Variants in SCN11A observed in about 807,000 individuals in gnomAD.
SCN11A encodes the protein sodium channel protein type 11 subunit alpha.
A neutral mutation model predicts 162.2 loss-of-function variants in SCN11A; 122 were observed. The ratio of observed to expected loss-of-function variants is 0.75; its 90% CI spans 0.65 to 0.87. The LOEUF is 0.87. SCN11A is among the 40% of genes least tolerant of loss of function. The pLI is 0.00. For missense variants in SCN11A, 2,015 were observed against 2,181.6 expected (o/e 0.92, Z 1.52); for synonymous variants, 758 against 751.5 (o/e 1.01, Z -0.14).
rs188380311 is a variant in SCN11A at position 39,044,468 on chromosome 3, G to T, written c.-404+7393C>A. ...TTTTTTAAAATCAAAACCATATCAA[G>T]TATCTTTTCTGACTACAATGAAATA... On this transcript the variant is annotated intron_variant, in intron 1 of 29. Coordinates refer to ENST00000302328, the MANE Select transcript of SCN11A (RefSeq NM_001349253.2). 2.2e-3 allele frequency among the ~76,000 whole-genome samples: 338 copies of T among 152,172 alleles called. 1 individual carries two copies. The highest frequency in any genetic ancestry group is 7.7e-3 in the African/African-American group (320 of 41,514).
intron 3 of SCN11A, among the ~76,000 whole-genome samples, chr3:38,958,755 A>G (rs1021085401): frequency 1.3e-5 from 2 of 152,248 alleles, no homozygotes; most frequent in Admixed American, 6.5e-5. Context: ...GAACATTTTC[A>G]TAAAGAAAGC....
At chr3:38,857,268 T>C (rs2064885020) in intron 28 of SCN11A, among the ~76,000 whole-genome samples, 1 of 151,696 alleles carries the variant, frequency 6.6e-6, no homozygotes, top group Admixed American at 6.6e-5. Flanking sequence ...ATACAAGATA[T>C]GGATAAGAAA....
intron 2 of SCN11A, among the ~76,000 whole-genome samples, chr3:39,030,295 G>A (rs1472410020): frequency 2.0e-5 from 3 of 152,152 alleles, no homozygotes; most frequent in South Asian, 2.1e-4. Flanking sequence ...GAACCTGGTC[G>A]TGATGGCTGG....
intron 2 of SCN11A, among the ~76,000 whole-genome samples, chr3:39,012,766 T>C (rs892994280): frequency 2.6e-5 from 4 of 152,208 alleles, no homozygotes; most frequent in African/African-American, 9.6e-5. Context: ...TGAGCCACTG[T>C]GCTCGGCCTG....
intron 2 of SCN11A, among the ~76,000 whole-genome samples, chr3:38,967,742 C>A (rs2125585858): frequency 6.6e-6 from 1 of 152,332 alleles, no homozygotes; most frequent in South Asian, 2.1e-4. Context: ...GACTGAGCAA[C>A]TTCCTAAAAG....
chr3:38,911,219 T>G (rs1468962844), intron 11 of SCN11A, among the ~76,000 whole-genome samples: 1 of 152,210 alleles, frequency 6.6e-6, no homozygotes, highest in Non-Finnish European at 1.5e-5. Flanking sequence ...TCAATTAGCT[T>G]CTTAAGAAGA....
chr3:38,988,039 T>C (rs2030323011), intron 2 of SCN11A, among the ~76,000 whole-genome samples: 2 of 141,980 alleles, frequency 1.4e-5, no homozygotes, highest in Non-Finnish European at 3.0e-5. Flanking sequence ...TGGCGCCCGG[T>C]GCAAATGGGA....
intron 2 of SCN11A, among the ~76,000 whole-genome samples, chr3:38,970,281 A>G (rs1252970819): frequency 1.3e-5 from 2 of 152,134 alleles, no homozygotes; most frequent in East Asian, 1.9e-4. Flanking sequence ...ACTGTTTCCA[A>G]TCTTAAAGAT....
rs61035387 is a variant in SCN11A at position 38,953,048 on chromosome 3, G to GT, written c.-8+580dup. On this transcript the variant is annotated intron_variant, in intron 4 of 29. Transcript: ENST00000302328. Reference sequence around the variant, plus strand: ...GCAGAGGCGAAACACTATCAGATTTGTTTTTTTTTGTTGTTGTTGTTGTTT... The same window carrying GT: ...GCAGAGGCGAAACACTATCAGATTTGTTTTTTTTTTGTTGTTGTTGTTGTTT... Among the ~76,000 whole-genome samples the GT allele has an allele frequency of 4.8e-3, 724 of 150,230 alleles. 4 individuals are homozygous for GT. Among genetic ancestry groups the GT allele is most frequent in the African/African-American group, 0.015 (609 of 40,736 alleles).
chr3:38,877,052 C>G (rs865974659), intron 23 of SCN11A, among the ~76,000 whole-genome samples: 2 of 31,108 alleles, frequency 6.4e-5, no homozygotes, highest in African/African-American at 2.2e-4. Context: ...GGTGTATATA[C>G]TATATATATG....
At chr3:38,920,879 T>C (rs1268950492) in intron 10 of SCN11A, among the ~76,000 whole-genome samples, 197 bp downstream of exon 10, 2 of 152,116 alleles carry the variant, frequency 1.3e-5, no homozygotes, top group Non-Finnish European at 2.9e-5. Flanking sequence ...GTTTCAAGAC[T>C]TTCCTTCTCC....
intron 7 of SCN11A, among the ~76,000 whole-genome samples, chr3:38,940,628 A>T (rs1431256045): frequency 6.6e-6 from 1 of 152,198 alleles, no homozygotes; most frequent in Non-Finnish European, 1.5e-5. Flanking sequence ...ATGAAGTCAG[A>T]TCTATTTATG....
chr3:38,887,339 C>A (rs2065418004), intron 19 of SCN11A, among the ~76,000 whole-genome samples: 2 of 151,364 alleles, frequency 1.3e-5, no homozygotes, highest in Admixed American at 1.3e-4. Flanking sequence ...AGAGGGGCCA[C>A]TGGAGCAAGT....
chr3:39,030,909 T>C (rs955725010), intron 2 of SCN11A, among the ~76,000 whole-genome samples: 1 of 152,202 alleles, frequency 6.6e-6, no homozygotes, highest in Non-Finnish European at 1.5e-5. Context: ...TTTTCATCAG[T>C]AGGGATTAAG....
At chr3:38,961,371 G>C (rs903400960) in intron 2 of SCN11A, among the ~76,000 whole-genome samples, 3 of 152,208 alleles carry the variant, frequency 2.0e-5, no homozygotes, top group African/African-American at 7.2e-5. Flanking sequence ...AGTATCTGTG[G>C]ATTTTTAAGA....
intron 11 of SCN11A, among the ~76,000 whole-genome samples, chr3:38,911,555 G>A (rs149105594): frequency 2.7e-4 from 41 of 152,198 alleles, no homozygotes; most frequent in African/African-American, 9.2e-4. Context: ...TTAGTCCCAG[G>A]TAAATTCTCT....
At position 38,850,527 on chromosome 3, in the gene SCN11A, A is replaced by G. The variant is rs779864458; in HGVS notation, c.4281T>C (p.Asn1427=). The G allele has an allele frequency of 6.2e-6, 10 of 1,613,802 alleles. No individual in the cohort carries two copies. The highest frequency in any genetic ancestry group is 8.5e-6 in the Non-Finnish European group (10 of 1,179,850). ...IFALRQYYFT[N]GWNLFDCVVV... The stretch of plus-strand genomic sequence containing the variant: ...CCACACAGTCAAATAAATTCCAGCC[A>G]TTGGTGAAGTAGTATTGCCTCAAAG... Residue 1427 remains asparagine, a synonymous_variant, in exon 29 of 30, where the codon AAT becomes AAC. Coordinates refer to ENST00000302328, the MANE Select transcript of SCN11A (RefSeq NM_001349253.2).
At chr3:38,890,346 A>G (rs1173209394) in intron 19 of SCN11A, among the ~76,000 whole-genome samples, 1 of 152,234 alleles carries the variant, frequency 6.6e-6, no homozygotes, top group Non-Finnish European at 1.5e-5. Context: ...AACTGACTTT[A>G]TTTGAAACAA....
rs749654201 is a variant in SCN11A at position 38,903,847 on chromosome 3, TA to T, written c.1842+17del. 5 of 1,506,816 alleles carry T rather than the reference TA, an allele frequency of 3.3e-6. No individual in the cohort carries two copies. The South Asian group carries it at 6.1e-5, about 18-fold the overall frequency. The allele number at this position is 1,506,816 out of a possible 1,614,324, so 93.3% of individuals were successfully genotyped here. On this transcript the variant is annotated intron_variant, in intron 16 of 29. Coordinates refer to ENST00000302328, the MANE Select transcript of SCN11A (RefSeq NM_001349253.2). ...AAGTATGAAATATGTTTTTTATTTT[TA>T]AAAAGTGTAATGTTACCAAATTCCC...
Sources: gnomAD v4.1 joint callset for allele counts (sites outside exome capture counted in the v4.1 genomes callset) on GRCh38, gnomAD v4.1.1 for gene constraint, MANE v1.5 for transcripts, NCBI Gene and HGNC (gene_info 2026-07-23, HGNC 2026-07-21) for gene names.